FAM193A: variants seen among roughly 807,000 people sequenced by gnomAD.
FAM193A encodes the protein family with sequence similarity 193 member A.
A neutral mutation model predicts 126.5 loss-of-function variants in FAM193A; 22 were observed. The ratio of observed to expected loss-of-function variants is 0.17; its 90% CI spans 0.12 to 0.25. The LOEUF is 0.25. FAM193A is among the 10% of genes least tolerant of loss of function. The pLI is 1.00. For synonymous variants in FAM193A, 761 were observed against 646.8 expected (o/e 1.18, Z -2.68); for missense variants, 1,675 against 1,672.8 (o/e 1.00, Z -0.02).
At chr4:2,701,968 C>T (rs1303604055) in intron 19 of FAM193A, among the ~76,000 whole-genome samples, 1 of 152,084 alleles carries the variant, frequency 6.6e-6, no homozygotes, top group Non-Finnish European at 1.5e-5. Context: ...GATGGGATTT[C>T]ACCTTGTTGG....
chr4:2,698,671 C>G (rs978010984), intron 18 of FAM193A, among the ~76,000 whole-genome samples: 15 of 152,206 alleles, frequency 9.9e-5, no homozygotes, highest in African/African-American at 3.6e-4. Flanking sequence ...TAAGCCCCAG[C>G]ATTTCTAAAG....
chr4:2,580,924 T>A (rs1199385336), intron 1 of FAM193A, among the ~76,000 whole-genome samples: 77 of 152,274 alleles, frequency 5.1e-4, no homozygotes, highest in South Asian at 1.7e-3. Context: ...GGTCAGGAGA[T>A]CTAGACCATC....
At chr4:2,629,679 G>C (rs1483649134) in intron 4 of FAM193A, among the ~76,000 whole-genome samples, 1 of 152,166 alleles carries the variant, frequency 6.6e-6, no homozygotes, top group East Asian at 1.9e-4. Context: ...ACTCATTTCT[G>C]TTAGAGTGAT....
At chr4:2,586,443 C>T (rs547885119) in intron 1 of FAM193A, among the ~76,000 whole-genome samples, 10 of 151,590 alleles carry the variant, frequency 6.6e-5, no homozygotes, top group South Asian at 2.1e-4. Flanking sequence ...TTTTTCCCCC[C>T]GGTTTGGGTA....
At chr4:2,695,811 G>A (rs1716968664) in intron 17 of FAM193A, among the ~76,000 whole-genome samples, 1 of 152,184 alleles carries the variant, frequency 6.6e-6, no homozygotes, top group South Asian at 2.1e-4. Context: ...GCTTATGCCT[G>A]TAATAGCAGC....
At position 2,686,927 on chromosome 4, in the gene FAM193A, G is replaced by A. The variant is rs1027377438; in HGVS notation, c.2332-2579G>A. On this transcript the variant is annotated intron_variant, in intron 13 of 20. Coordinates refer to ENST00000637812, the MANE Select transcript of FAM193A (RefSeq NM_001366318.2). The stretch of plus-strand genomic sequence containing the variant: ...GCTTATCGCTGCTTTGTAGAAATGG[G>A]TATCTATTGAAATACGTTTTTTTAT... Among the ~76,000 whole-genome samples the A allele has an allele frequency of 4.6e-5, 7 of 152,184 alleles. No homozygotes were observed. In the East Asian group the frequency reaches 1.3e-3, roughly 29 times the overall value.
intron 13 of FAM193A, among the ~76,000 whole-genome samples, chr4:2,674,039 G>A (rs1284553419): frequency 1.3e-5 from 2 of 152,142 alleles, no homozygotes; most frequent in East Asian, 1.9e-4. Context: ...AGCCATATAC[G>A]GTAGAGGTAT....
intron 1 of FAM193A, among the ~76,000 whole-genome samples, chr4:2,554,601 A>G (rs968709029): frequency 3.3e-5 from 5 of 151,776 alleles, no homozygotes; most frequent in African/African-American, 1.2e-4. Flanking sequence ...TTTTTGGTTG[A>G]TGGTTTTGTT....
At position 2,700,298 on chromosome 4, in the gene FAM193A, A is replaced by G. The variant is rs1717565101; in HGVS notation, c.4126A>G (p.Lys1376Glu). ...KPRAQTESKAKVVDLMSITEQ... is the reference protein window; with the variant it reads ...KPRAQTESKAEVVDLMSITEQ... Reference sequence around the variant, plus strand: ...CCGGGCCCAGACTGAGTCAAAGGCTAAGGTGGTCGACCTCATGTCCATCAC... The same window carrying G: ...CCGGGCCCAGACTGAGTCAAAGGCTGAGGTGGTCGACCTCATGTCCATCAC... The change falls in exon 19 of 21, where the codon AAG (lysine) becomes GAG (glutamate). Residue 1376 changes from lysine to glutamate, a missense_variant. Around this residue, in one of 4 missense-constraint regions of FAM193A, gnomAD observed 415 missense variants for 396.7 expected, o/e 1.05. Transcript: ENST00000637812. 3 of 1,613,964 alleles carry G rather than the reference A, an allele frequency of 1.9e-6. No individual in the cohort carries two copies. The highest frequency in any genetic ancestry group is 2.2e-5 in the South Asian group (2 of 91,080).
intron 2 of FAM193A, among the ~76,000 whole-genome samples, chr4:2,620,624 G>C (rs1262465521): frequency 6.6e-6 from 1 of 152,044 alleles, no homozygotes; most frequent in Non-Finnish European, 1.5e-5. Context: ...AGGCAGGCGG[G>C]ATCGCCTGAG....
intron 20 of FAM193A, among the ~76,000 whole-genome samples, chr4:2,726,918 C>T (rs1270986905): frequency 2.8e-5 from 4 of 143,884 alleles, no homozygotes; most frequent in African/African-American, 1.0e-4. Context: ...CCATTACACT[C>T]CAGCCTGGGC....
intron 1 of FAM193A, among the ~76,000 whole-genome samples, chr4:2,587,273 T>G (rs1740287898): frequency 6.6e-6 from 1 of 151,938 alleles, no homozygotes; most frequent in African/African-American, 2.4e-5. Flanking sequence ...GGAAAGGAGG[T>G]GCCAGGCTGT....
intron 1 of FAM193A, among the ~76,000 whole-genome samples, chr4:2,538,260 G>T (rs932000191): frequency 1.3e-4 from 20 of 150,916 alleles, no homozygotes; most frequent in African/African-American, 4.6e-4. Flanking sequence ...GTGCAATAAT[G>T]GCGCGATCTT....
chr4:2,586,003 G>A (rs1740212906), intron 1 of FAM193A, among the ~76,000 whole-genome samples: 1 of 152,062 alleles, frequency 6.6e-6, no homozygotes, highest in South Asian at 2.1e-4. Flanking sequence ...CAGCACTTTG[G>A]GAGGCCGAAG....
intron 7 of FAM193A, among the ~76,000 whole-genome samples, 197 bp from the exon 8 acceptor site, chr4:2,657,606 A>G (rs563224450): frequency 6.6e-6 from 1 of 152,304 alleles, no homozygotes; most frequent in Non-Finnish European, 1.5e-5. Context: ...ATGTGAGAAA[A>G]GTACTTGTGA....
rs1007075940 is a variant in FAM193A, at chr4:2,680,933, C to T, written c.2331+8561C>T. Among the ~76,000 whole-genome samples, 5 of 152,266 alleles carry T rather than the reference C, an allele frequency of 3.3e-5. No homozygotes were observed. The South Asian group carries it at 6.2e-4, about 19-fold the overall frequency. Reference sequence around the variant, plus strand: ...CTGGGATTACAGGCGTGAGCTACAGCGCCGAGCCCAGCCAGTACTTTCTTA... The same window carrying T: ...CTGGGATTACAGGCGTGAGCTACAGTGCCGAGCCCAGCCAGTACTTTCTTA... On this transcript the variant is annotated intron_variant, in intron 13 of 20. Transcript: ENST00000637812.
intron 1 of FAM193A, among the ~76,000 whole-genome samples, chr4:2,584,939 A>C (rs1740151518): frequency 6.6e-6 from 1 of 152,142 alleles, no homozygotes. Flanking sequence ...AAGGAAAAAA[A>C]AAACAAACCA....
Position 2,663,245 on chromosome 4 carries a change from A to G in FAM193A, c.2036A>G (p.Glu679Gly), listed in dbSNP as rs1712696701. The G allele has an allele frequency of 6.2e-7, 1 of 1,612,626 alleles. No homozygotes were observed. The highest frequency in any genetic ancestry group is 8.5e-7 in the Non-Finnish European group (1 of 1,179,510). ...VLGSRSPRTEESKADSPPPSY... is the reference protein window; with the variant it reads ...VLGSRSPRTEGSKADSPPPSY... ...GGAAGCAGGAGCCCCAGGACAGAGG[A>G]GAGCAAAGCAGACAGTCCACCCCCA... The change falls in exon 12 of 21, where the codon GAG becomes GGG. Residue 679 changes from glutamate to glycine, a missense_variant. By Grantham distance (98) the Glu-to-Gly change is moderately conservative. Transcript: ENST00000637812.
chr4:2,698,672 A>G (rs937849522), intron 18 of FAM193A, among the ~76,000 whole-genome samples: 2 of 152,214 alleles, frequency 1.3e-5, no homozygotes, highest in African/African-American at 4.8e-5. Context: ...AAGCCCCAGC[A>G]TTTCTAAAGG....
Sources: gnomAD v4.1 joint callset for allele counts (sites outside exome capture counted in the v4.1 genomes callset) on GRCh38, gnomAD v4.1.1 for gene constraint, gnomAD v4.1.1 regional missense constraint, MANE v1.5 for transcripts, NCBI Gene and HGNC (gene_info 2026-07-23, HGNC 2026-07-21) for gene names.